The following SMYD3 variants were observed in gnomAD, a reference collection of about 807,000 sequenced individuals.
SMYD3 encodes SET and MYND domain containing 3.
In SMYD3, 36 loss-of-function variants were observed where a neutral mutation model predicts 57.7. The observed-to-expected ratio is 0.62, with a 90% CI of 0.48 to 0.82. SMYD3 has a LOEUF of 0.82. Among genes scored for constraint, SMYD3 ranks in the 40% least tolerant of loss-of-function variants. The pLI is 0.00. For synonymous variants in SMYD3, 211 were observed against 195.0 expected (o/e 1.08, Z -0.68); for missense variants, 515 against 538.8 (o/e 0.96, Z 0.44).
intron 5 of SMYD3, chr1:245,956,077 T>G (rs1424147448): frequency 1.0e-6 from 1 of 981,354 alleles, no homozygotes; most frequent in Non-Finnish European, 1.2e-6. Flanking sequence ...ATAGATAACA[T>G]TATTTTCTAT....
intron 5 of SMYD3, among the ~76,000 whole-genome samples, chr1:246,112,029 A>C (rs952936203): frequency 7.9e-5 from 12 of 152,188 alleles, no homozygotes; most frequent in Admixed American, 3.9e-4. Flanking sequence ...CAAACATGAA[A>C]CTGGCAAGTT....
chr1:246,156,086 G>A lies in SMYD3; in HGVS notation c.531+171115C>T, dbSNP rs80179706. The stretch of plus-strand genomic sequence containing the variant: ...TTTTTTTCAATTAATGTTAAGGTCT[G>A]GAAGTTTGACTTTGGCTCTTAACCT... On this transcript the variant is annotated intron_variant, in intron 5 of 11. Coordinates refer to ENST00000490107, the MANE Select transcript of SMYD3 (RefSeq NM_001167740.2). 4.5e-3 allele frequency among the ~76,000 whole-genome samples: 677 copies of A among 151,580 alleles called. 2 individuals are homozygous for A. Among genetic ancestry groups the A allele is most frequent in the African/African-American group, 0.016 (655 of 41,326 alleles).
At chr1:246,209,163 A>C (rs1002613133) in intron 5 of SMYD3, among the ~76,000 whole-genome samples, 1 of 152,166 alleles carries the variant, frequency 6.6e-6, no homozygotes, top group Admixed American at 6.5e-5. Context: ...AATTTTCTTC[A>C]TATTGTGTCA....
intron 5 of SMYD3, among the ~76,000 whole-genome samples, chr1:245,979,002 T>C (rs75660193): frequency 0.026 from 3,925 of 152,320 alleles, 162 homozygotes; most frequent in African/African-American, 0.084. Flanking sequence ...ATGTGACTAC[T>C]ACCGTATATC....
At chr1:246,138,447 A>T (rs922882539) in intron 5 of SMYD3, among the ~76,000 whole-genome samples, 2 of 148,306 alleles carry the variant, frequency 1.3e-5, no homozygotes, top group African/African-American at 2.4e-5. Context: ...TTTTTCTGAG[A>T]CGGAGTCTCG....
chr1:246,478,282 A>AAGGATACTCTGTGTAACAG (rs2068053718), intron 1 of SMYD3, among the ~76,000 whole-genome samples: 1 of 152,270 alleles, frequency 6.6e-6, no homozygotes, highest in Admixed American at 6.5e-5. Flanking sequence ...AGTAAATACT[A>AAGGATACTCTGTGTAACAG]AGGATACTCT....
chr1:245,927,791 G>A lies in SMYD3; in HGVS notation c.702+140C>T, dbSNP rs2056474118. Reference sequence around the variant, plus strand: ...AAAGGATAGGTTGCTGGGGAGAGGTGACTGAACTACAAATACTCTCACTGG... The same window carrying A: ...AAAGGATAGGTTGCTGGGGAGAGGTAACTGAACTACAAATACTCTCACTGG... On this transcript the variant is annotated intron_variant, in intron 7 of 11. Transcript: ENST00000490107. 6.2e-6 allele frequency: 4 copies of A among 646,874 alleles called. No homozygotes were observed. In the South Asian group the frequency reaches 6.2e-5, roughly 10 times the overall value. The allele number at this position is 646,874 out of a possible 1,614,324, so 40.1% of individuals were successfully genotyped here. A position where few individuals can be genotyped will look rare whatever the true frequency, so the allele number is the denominator to read the frequency against.
chr1:246,040,199 A>G (rs940536584), intron 5 of SMYD3, among the ~76,000 whole-genome samples: 3 of 152,184 alleles, frequency 2.0e-5, no homozygotes, highest in South Asian at 2.1e-4. Flanking sequence ...CCTGTATTAC[A>G]TATACAACCG....
chr1:245,751,874 G>A (rs574607680), intron 11 of SMYD3, among the ~76,000 whole-genome samples: 4 of 152,360 alleles, frequency 2.6e-5, no homozygotes, highest in African/African-American at 4.8e-5. Context: ...GGGGCTGTCC[G>A]GAGTGCAGGG....
chr1:246,024,926 G>A (rs1266404162), intron 5 of SMYD3, among the ~76,000 whole-genome samples: 1 of 69,098 alleles, frequency 1.4e-5, no homozygotes, highest in Admixed American at 1.4e-4. Flanking sequence ...GGAGATACAG[G>A]AAGTGGACAG....
intron 5 of SMYD3, among the ~76,000 whole-genome samples, chr1:246,226,942 T>G (rs1444448533): frequency 6.6e-6 from 1 of 152,234 alleles, no homozygotes; most frequent in African/African-American, 2.4e-5. Context: ...AAATCTACTC[T>G]TGAATTTATT....
chr1:245,810,934 A>G (rs2048433577), intron 10 of SMYD3, among the ~76,000 whole-genome samples: 2 of 152,230 alleles, frequency 1.3e-5, no homozygotes, highest in African/African-American at 4.8e-5. Flanking sequence ...TTCAGTAGCT[A>G]GTGAGGTTAT....
At chr1:246,494,006 C>T (rs994249815) in intron 1 of SMYD3, among the ~76,000 whole-genome samples, 3 of 152,142 alleles carry the variant, frequency 2.0e-5, no homozygotes, top group Admixed American at 6.5e-5. Context: ...TCTAGAATAA[C>T]GCACATTTTC....
At chr1:246,227,627 G>C (rs1216768841) in intron 5 of SMYD3, among the ~76,000 whole-genome samples, 1 of 151,772 alleles carries the variant, frequency 6.6e-6, no homozygotes, top group South Asian at 2.1e-4. Context: ...AAAAAAAGAA[G>C]AGAAGAAAGA....
chr1:246,483,386 T>C (rs1282875445), intron 1 of SMYD3: 1 of 152,216 alleles, frequency 6.6e-6, no homozygotes, highest in Non-Finnish European at 1.5e-5. Context: ...GCTCCAGTTA[T>C]CATTTATAGC....
chr1:246,261,057 G>T (rs1358578230), intron 5 of SMYD3, among the ~76,000 whole-genome samples: 1 of 151,328 alleles, frequency 6.6e-6, no homozygotes, highest in East Asian at 2.0e-4. Flanking sequence ...TGTTGTTGTT[G>T]TTGTTGTTGT....
rs1160831409 is a variant in SMYD3, at chr1:246,102,343, A to G, written c.532-172406T>C. On this transcript the variant is annotated intron_variant, in intron 5 of 11. Transcript: ENST00000490107. ...CACCTGAACCACTGCACCGTCTCTC[A>G]GGTGTCTCCCTTCTTCTCTACATCT... Among the ~76,000 whole-genome samples the G allele has an allele frequency of 3.3e-5, 5 of 152,176 alleles. 1 individual carries two copies. The highest frequency in any genetic ancestry group is 2.6e-4 in the Admixed American group (4 of 15,282).
At chr1:245,804,207 A>G (rs1267696890) in intron 10 of SMYD3, among the ~76,000 whole-genome samples, 1 of 152,242 alleles carries the variant, frequency 6.6e-6, no homozygotes, top group East Asian at 1.9e-4. Context: ...CACCGCGCCC[A>G]GCTGAGTCAG....
intron 1 of SMYD3, among the ~76,000 whole-genome samples, chr1:246,418,592 G>A (rs2067097622): frequency 6.6e-6 from 1 of 152,190 alleles, no homozygotes; most frequent in Non-Finnish European, 1.5e-5. Context: ...TTGGTGAACT[G>A]GAAGAATCAG....
Sources: gnomAD v4.1 joint callset for allele counts (sites outside exome capture counted in the v4.1 genomes callset) on GRCh38, gnomAD v4.1.1 for gene constraint, MANE v1.5 for transcripts, NCBI Gene and HGNC (gene_info 2026-07-23, HGNC 2026-07-21) for gene names.